Variants in ETNK1 observed in about 807,000 individuals in gnomAD.
The protein encoded by ETNK1 is ethanolamine kinase 1.
Under a neutral mutation model 45.1 loss-of-function variants are expected in ETNK1, and 8 were observed. The ratio of observed to expected loss-of-function variants is 0.18; its 90% CI spans 0.10 to 0.32. The LOEUF is 0.32. ETNK1 is among the 10% of genes least tolerant of loss of function. The pLI is 1.00. For missense variants in ETNK1, 302 were observed against 430.6 expected (o/e 0.70, Z 2.64); for synonymous variants, 152 against 151.9 (o/e 1.00, Z -0.01).
intron 6 of ETNK1, among the ~76,000 whole-genome samples, chr12:22,673,869 C>G (rs1954135731): frequency 6.6e-6 from 1 of 152,166 alleles, no homozygotes; most frequent in Non-Finnish European, 1.5e-5. Flanking sequence ...ATATCCCCAT[C>G]CCCTAGAACA....
chr12:22,679,695 G>GTTT (rs1302699694), intron 6 of ETNK1, among the ~76,000 whole-genome samples: 2 of 137,180 alleles, frequency 1.5e-5, no homozygotes, highest in African/African-American at 5.3e-5. Context: ...TTTGTTCTTG[G>GTTT]TTTTTTGTTT....
rs1954288360 is a variant in ETNK1, at chr12:22,689,764, G to A, written c.*4810G>A. The A allele has an allele frequency of 6.6e-6, 1 of 151,918 alleles. No homozygotes were observed. The highest frequency in any genetic ancestry group is 1.5e-5 in the Non-Finnish European group (1 of 67,864). 9.4% of individuals were successfully genotyped at this position (151,918 alleles called of 1,614,324 possible). A position where few individuals can be genotyped will look rare whatever the true frequency, so the allele number is the denominator to read the frequency against. On this transcript the variant is annotated 3_prime_UTR_variant, in exon 8 of 8. Coordinates refer to ENST00000266517, the MANE Select transcript of ETNK1 (RefSeq NM_018638.5). ...GAGGAGATTAGTGTTTACTTGCTGT[G>A]GTTGTGGTGTGCTGCTACTTAATTA...
At chr12:22,630,042 A>G (rs1953554812) in intron 1 of ETNK1, among the ~76,000 whole-genome samples, 1 of 152,254 alleles carries the variant, frequency 6.6e-6, no homozygotes, top group South Asian at 2.1e-4. Context: ...CCTGTATAAT[A>G]GCCATGTAAC....
At chr12:22,658,854 A>T (rs1006528205) in intron 2 of ETNK1, among the ~76,000 whole-genome samples, 160 bp from the exon 3 acceptor site, 1 of 152,216 alleles carries the variant, frequency 6.6e-6, no homozygotes, top group African/African-American at 2.4e-5. Context: ...AAACTGACTC[A>T]GTAGGGTTCT....
At chr12:22,625,628 C>G in intron 1 of ETNK1, 42 bp downstream of exon 1, 1 of 1,525,418 alleles carries the variant, frequency 6.6e-7, no homozygotes, top group Non-Finnish European at 8.8e-7. Flanking sequence ...ATGCCCCTCA[C>G]GCGGCTCTGG....
At chr12:22,636,158 T>A (rs1953653253) in intron 1 of ETNK1, among the ~76,000 whole-genome samples, 1 of 152,052 alleles carries the variant, frequency 6.6e-6, no homozygotes. Context: ...AGTGGGACCC[T>A]CTCTCAAAAA....
intron 1 of ETNK1, among the ~76,000 whole-genome samples, chr12:22,630,598 T>C (rs1953564579): frequency 6.6e-6 from 1 of 152,100 alleles, no homozygotes; most frequent in Non-Finnish European, 1.5e-5. Context: ...ATTTTTCTTT[T>C]TGTATTTTAT....
At chr12:22,675,786 CAGT>C (rs1471104251) in intron 6 of ETNK1, among the ~76,000 whole-genome samples, 1 of 152,064 alleles carries the variant, frequency 6.6e-6, no homozygotes, top group African/African-American at 2.4e-5. Flanking sequence ...GTCATACATT[CAGT>C]AGAAGGTCTG....
intron 1 of ETNK1, among the ~76,000 whole-genome samples, chr12:22,640,465 G>A (rs1362182975): frequency 1.3e-5 from 2 of 149,112 alleles, no homozygotes; most frequent in East Asian, 2.0e-4. Flanking sequence ...TTAGCTATTT[G>A]GATTTAAGCT....
chr12:22,639,265 GT>G (rs1226886629), intron 1 of ETNK1, among the ~76,000 whole-genome samples: 1 of 151,692 alleles, frequency 6.6e-6, no homozygotes, highest in Admixed American at 6.6e-5. Flanking sequence ...GTTGGCCAGG[GT>G]TGTCTTGAAC....
At chr12:22,630,014 A>G (rs1053879352) in intron 1 of ETNK1, among the ~76,000 whole-genome samples, 1 of 152,210 alleles carries the variant, frequency 6.6e-6, no homozygotes, top group Non-Finnish European at 1.5e-5. Flanking sequence ...ACAGGAGCCT[A>G]AAGTGCTAGT....
intron 1 of ETNK1, among the ~76,000 whole-genome samples, chr12:22,643,211 T>C (rs1275148132): frequency 6.6e-6 from 1 of 152,014 alleles, no homozygotes; most frequent in Non-Finnish European, 1.5e-5. Flanking sequence ...TTTTAGTAAG[T>C]TGGAGATTTG....
At chr12:22,682,865 G>T (rs1272467844) in intron 6 of ETNK1, among the ~76,000 whole-genome samples, 1 of 152,128 alleles carries the variant, frequency 6.6e-6, no homozygotes, top group Non-Finnish European at 1.5e-5. Context: ...ACTCCCATGG[G>T]TTCATCGACC....
intron 1 of ETNK1, among the ~76,000 whole-genome samples, chr12:22,631,223 G>A (rs890536320): frequency 6.6e-6 from 1 of 151,166 alleles, no homozygotes; most frequent in African/African-American, 2.4e-5. Context: ...TGCCCAGGCT[G>A]GAGTGCAATG....
chr12:22,627,350 G>A (rs191087852), intron 1 of ETNK1, among the ~76,000 whole-genome samples: 5 of 152,140 alleles, frequency 3.3e-5, no homozygotes. Flanking sequence ...AGACCTTTGG[G>A]TTTATAATCC....
At chr12:22,666,181 A>G (rs978707377) in intron 4 of ETNK1, among the ~76,000 whole-genome samples, 10 of 152,138 alleles carry the variant, frequency 6.6e-5, no homozygotes, top group African/African-American at 2.4e-4. Flanking sequence ...GGTAGCTGTC[A>G]AGATTTTTGA....
intron 1 of ETNK1, among the ~76,000 whole-genome samples, chr12:22,640,702 G>A (rs1297283056): frequency 2.0e-5 from 3 of 151,568 alleles, no homozygotes; most frequent in Admixed American, 1.3e-4. Flanking sequence ...AGGTTCTAAT[G>A]TACTGATTTT....
At chr12:22,636,258 T>A (rs1168264591) in intron 1 of ETNK1, among the ~76,000 whole-genome samples, 1 of 152,164 alleles carries the variant, frequency 6.6e-6, no homozygotes, top group Non-Finnish European at 1.5e-5. Flanking sequence ...TTAGAGCTCT[T>A]ACTACATAAT....
intron 1 of ETNK1, among the ~76,000 whole-genome samples, chr12:22,631,053 T>C (rs962710080): frequency 6.6e-6 from 1 of 152,214 alleles, no homozygotes; most frequent in Non-Finnish European, 1.5e-5. Context: ...GTGGTTACCA[T>C]ACATTAATAG....
Sources: gnomAD v4.1 joint callset for allele counts (sites outside exome capture counted in the v4.1 genomes callset) on GRCh38, gnomAD v4.1.1 for gene constraint, MANE v1.5 for transcripts, NCBI Gene and HGNC (gene_info 2026-07-23, HGNC 2026-07-21) for gene names.